The following USH2A variants were observed in gnomAD, a reference collection of about 807,000 sequenced individuals.
USH2A encodes usherin.
In USH2A, 443 loss-of-function variants were observed where a neutral mutation model predicts 538.9. That is an observed-to-expected ratio of 0.82 (90% confidence interval 0.76 to 0.89). The LOEUF (loss-of-function observed/expected upper bound fraction) is 0.89. Among genes scored for constraint, USH2A ranks in the 40% least tolerant of loss-of-function variants. USH2A has a pLI of 0.00. For synonymous variants in USH2A, 2,413 were observed against 2,273.5 expected (o/e 1.06, Z -1.75); for missense variants, 6,633 against 6,324.8 (o/e 1.05, Z -1.65).
intron 35 of USH2A, among the ~76,000 whole-genome samples, chr1:215,978,915 G>A (rs1287935976): frequency 6.6e-6 from 1 of 152,180 alleles, no homozygotes; most frequent in Non-Finnish European, 1.5e-5. Context: ...GAAAGTGCAA[G>A]GTTCAGTAAA....
At chr1:215,824,866 TG>T (rs1343784346) in intron 47 of USH2A, among the ~76,000 whole-genome samples, 1 of 152,178 alleles carries the variant, frequency 6.6e-6, no homozygotes, top group East Asian at 1.9e-4. Context: ...AGATGGGCAT[TG>T]TGGATATGAA....
At chr1:216,141,726 C>A (rs2102611718) in intron 21 of USH2A, among the ~76,000 whole-genome samples, 1 of 152,204 alleles carries the variant, frequency 6.6e-6, no homozygotes, top group South Asian at 2.1e-4. Context: ...CTATAAAATA[C>A]TTTAAACATA....
intron 47 of USH2A, among the ~76,000 whole-genome samples, chr1:215,833,261 G>A (rs1431245339): frequency 1.3e-5 from 2 of 151,812 alleles, no homozygotes; most frequent in Non-Finnish European, 2.9e-5. Context: ...TTTTATAAAG[G>A]TCAAAGTTGG....
intron 41 of USH2A, among the ~76,000 whole-genome samples, chr1:215,881,829 T>G (rs1664918881): frequency 6.6e-6 from 1 of 152,176 alleles, no homozygotes; most frequent in Non-Finnish European, 1.5e-5. Flanking sequence ...TTCCATTTTT[T>G]CTGTTTATTG....
chr1:216,115,421 AGGCGTAAGC>A (rs1354715902), intron 21 of USH2A, among the ~76,000 whole-genome samples: 1 of 152,246 alleles, frequency 6.6e-6, no homozygotes, highest in Non-Finnish European at 1.5e-5. Flanking sequence ...CTAGGATTAC[AGGCGTAAGC>A]CATTGTGCTG....
chr1:215,811,254 T>C (rs916237495), intron 49 of USH2A, among the ~76,000 whole-genome samples: 4 of 152,206 alleles, frequency 2.6e-5, no homozygotes, highest in African/African-American at 7.2e-5. Flanking sequence ...AGCACCTTTA[T>C]AAAATTAACA....
chr1:216,041,331 TA>T, intron 32 of USH2A, among the ~76,000 whole-genome samples: 1 of 152,114 alleles, frequency 6.6e-6, no homozygotes. Context: ...AATTTTGTAC[TA>T]ACTCAAGGTG....
chr1:215,680,269 C>T lies in USH2A; in HGVS notation c.12174G>A (p.Leu4058=). 6.2e-7 allele frequency: 1 copy of T among 1,614,142 alleles called. No individual in the cohort carries two copies. Among genetic ancestry groups the T allele is most frequent in the Non-Finnish European group, 8.5e-7 (1 of 1,180,004 alleles). ...HAGEILSPWT[L]IQTLESSPSG... is the part of the protein sequence containing the mutation. ...TTGGGGAAGATTCTAAGGTTTGAAT[C>T]AGAGTCCAAGGGCTTAAAATTTCTC... Residue 4058 remains leucine (L), a synonymous_variant, in exon 62 of 72, where the codon CTG becomes CTA. Coordinates refer to ENST00000307340, the MANE Select transcript of USH2A (RefSeq NM_206933.4).
intron 38 of USH2A, among the ~76,000 whole-genome samples, chr1:215,920,469 T>C (rs1189232450): frequency 6.6e-6 from 1 of 152,072 alleles, no homozygotes; most frequent in Non-Finnish European, 1.5e-5. Context: ...ATTTTGTATT[T>C]ATATATCATG....
chr1:216,299,780 G>A (rs2102620657), intron 9 of USH2A, among the ~76,000 whole-genome samples: 1 of 152,158 alleles, frequency 6.6e-6, no homozygotes, highest in Non-Finnish European at 1.5e-5. Flanking sequence ...AAAAGTTTTT[G>A]AGCCACCAGT....
chr1:216,393,007 T>C (rs1408283558), intron 3 of USH2A, among the ~76,000 whole-genome samples: 2 of 152,214 alleles, frequency 1.3e-5, no homozygotes, highest in Non-Finnish European at 2.9e-5. Context: ...TCAAGATCTC[T>C]TAAAAAGTGT....
At chr1:215,914,878 C>T (rs1195030866) in intron 38 of USH2A, among the ~76,000 whole-genome samples, 2 of 152,132 alleles carry the variant, frequency 1.3e-5, no homozygotes, top group African/African-American at 4.8e-5. Flanking sequence ...GGTAAAGAGT[C>T]TTTATGTTAA....
intron 31 of USH2A, among the ~76,000 whole-genome samples, chr1:216,047,469 A>G (rs2030572866): frequency 6.6e-6 from 1 of 152,152 alleles, no homozygotes; most frequent in Non-Finnish European, 1.5e-5. Context: ...GATGGAGAAA[A>G]TGCTGAGGCT....
intron 61 of USH2A, among the ~76,000 whole-genome samples, chr1:215,715,165 T>G (rs984060817): frequency 1.3e-5 from 2 of 152,156 alleles, no homozygotes; most frequent in Non-Finnish European, 2.9e-5. Context: ...TAGGCCCCAG[T>G]GTGGGTTGTT....
rs1310819922 is a variant in USH2A, at chr1:216,340,000, GGA to G, written c.785-12348_785-12347del. ...CAACTAAGATCAGAGCAGAACTGAA[GGA>G]GAGAGAGACACGAAAAACCCTTCAA... is the stretch of plus-strand genomic sequence containing the variant. On this transcript the variant is annotated intron_variant, in intron 4 of 71. Transcript: ENST00000307340. 4.6e-5 allele frequency among the ~76,000 whole-genome samples: 7 copies of G among 152,010 alleles called. No individual in the cohort carries two copies. In the South Asian group the frequency reaches 1.2e-3, roughly 27 times the overall value.
At chr1:216,412,534 T>C (rs2039505277) in intron 3 of USH2A, among the ~76,000 whole-genome samples, 1 of 152,088 alleles carries the variant, frequency 6.6e-6, no homozygotes, top group Non-Finnish European at 1.5e-5. Flanking sequence ...CTGTTGTACA[T>C]TTAAATTGCT....
intron 4 of USH2A, among the ~76,000 whole-genome samples, chr1:216,337,425 T>A (rs1193251877): frequency 6.6e-6 from 1 of 151,390 alleles, no homozygotes. Flanking sequence ...ACAGGACCAA[T>A]CTCACTTGGT....
At chr1:216,015,581 A>G (rs1353520098) in intron 32 of USH2A, among the ~76,000 whole-genome samples, 1 of 152,218 alleles carries the variant, frequency 6.6e-6, no homozygotes. Flanking sequence ...AATCACTTTG[A>G]GGAATCGCCA....
Position 216,396,638 on chromosome 1 carries a change from C to T in USH2A, c.651+21876G>A, listed in dbSNP as rs151236532. Among the ~76,000 whole-genome samples, 220 of 152,210 alleles carry T rather than the reference C, an allele frequency of 1.4e-3. 1 individual carries two copies. Among genetic ancestry groups the T allele is most frequent in the Middle Eastern group, 6.8e-3 (2 of 294 alleles). On this transcript the variant is annotated intron_variant, in intron 3 of 71. Transcript: ENST00000307340. ...TTACAAATGAATATCAAACTACATA[C>T]ACAAGAATTTCCAGTCATAAGATCT...
Sources: gnomAD v4.1 joint callset for allele counts (sites outside exome capture counted in the v4.1 genomes callset) on GRCh38, gnomAD v4.1.1 for gene constraint, MANE v1.5 for transcripts, NCBI Gene and HGNC (gene_info 2026-07-23, HGNC 2026-07-21) for gene names.